The following NCKAP5 variants were observed in gnomAD, a reference collection of about 807,000 sequenced individuals.
The protein encoded by NCKAP5 is NCK associated protein 5.
Under a neutral mutation model 167.0 loss-of-function variants are expected in NCKAP5, and 92 were observed. The observed-to-expected ratio is 0.55, with a 90% CI of 0.47 to 0.66. The LOEUF (loss-of-function observed/expected upper bound fraction) is 0.66. Ranked by LOEUF, NCKAP5 falls within the 30% of genes least tolerant of loss-of-function variation. The probability of loss-of-function intolerance (pLI) is 0.00; values close to 1 mark genes in which losing one functional copy is unlikely to be tolerated. For synonymous variants in NCKAP5, 891 were observed against 877.4 expected (o/e 1.02, Z -0.27); for missense variants, 2,378 against 2,315.0 (o/e 1.03, Z -0.56).
the NCKAP5 span, among the ~76,000 whole-genome samples, chr2:133,633,851 C>T: frequency 6.6e-6 from 1 of 152,196 alleles, no homozygotes; most frequent in Non-Finnish European, 1.5e-5. Flanking sequence ...TGATGGGGCT[C>T]ATGGATAGAT....
intron 15 of NCKAP5, among the ~76,000 whole-genome samples, chr2:132,776,679 T>A (rs1436640113): frequency 6.6e-6 from 1 of 152,160 alleles, no homozygotes; most frequent in East Asian, 1.9e-4. Context: ...TAGATTTCAA[T>A]GCAAAGTGGT....
chr2:133,022,221 T>C (rs1463391088), intron 6 of NCKAP5, among the ~76,000 whole-genome samples: 3 of 152,208 alleles, frequency 2.0e-5, no homozygotes, highest in Admixed American at 2.0e-4. Flanking sequence ...TATTTTGAGC[T>C]GGTTATTCTG....
intron 3 of NCKAP5, among the ~76,000 whole-genome samples, chr2:133,472,816 TTCTC>T (rs1167624960): frequency 6.6e-6 from 1 of 152,132 alleles, no homozygotes; most frequent in Non-Finnish European, 1.5e-5. Context: ...TCTAGGAATC[TTCTC>T]TCTCTCTTCT....
chr2:133,546,820 A>G (rs1454274204), intron 2 of NCKAP5, among the ~76,000 whole-genome samples: 1 of 152,226 alleles, frequency 6.6e-6, no homozygotes, highest in Non-Finnish European at 1.5e-5. Context: ...GCTTGGGTCT[A>G]GGAAAAAGAG....
At chr2:133,293,015 T>C (rs1438221784) in intron 4 of NCKAP5, among the ~76,000 whole-genome samples, 1 of 152,176 alleles carries the variant, frequency 6.6e-6, no homozygotes, top group Non-Finnish European at 1.5e-5. Context: ...CCAATTCTGC[T>C]CCTAATCAAG....
At chr2:133,033,454 A>G (rs1267752968) in intron 6 of NCKAP5, among the ~76,000 whole-genome samples, 1 of 152,190 alleles carries the variant, frequency 6.6e-6, no homozygotes, top group Non-Finnish European at 1.5e-5. Context: ...CTCAGACATC[A>G]AAGAACACCT....
At chr2:133,438,167 A>T (rs1207062597) in intron 3 of NCKAP5, among the ~76,000 whole-genome samples, 4 of 152,102 alleles carry the variant, frequency 2.6e-5, no homozygotes, top group African/African-American at 9.7e-5. Flanking sequence ...GAAAATACCA[A>T]CCCAGGACTC....
intron 3 of NCKAP5, among the ~76,000 whole-genome samples, chr2:133,457,787 T>A (rs1315563354): frequency 6.6e-6 from 1 of 152,132 alleles, no homozygotes; most frequent in East Asian, 1.9e-4. Flanking sequence ...AGTGAGTAAA[T>A]CTCAATTCTT....
chr2:133,341,784 A>G (rs1194408428), intron 3 of NCKAP5, among the ~76,000 whole-genome samples: 2 of 152,154 alleles, frequency 1.3e-5, no homozygotes, highest in Non-Finnish European at 2.9e-5. Flanking sequence ...TTACATTTCC[A>G]GCACCTGGGA....
At chr2:133,410,425 G>C (rs1688703171) in intron 3 of NCKAP5, among the ~76,000 whole-genome samples, 1 of 152,184 alleles carries the variant, frequency 6.6e-6, no homozygotes, top group African/African-American at 2.4e-5. Context: ...CTTCTCTGAG[G>C]TTTAGTTTCC....
intron 11 of NCKAP5, among the ~76,000 whole-genome samples, chr2:132,840,881 A>C (rs1688250151): frequency 6.6e-6 from 1 of 152,140 alleles, no homozygotes; most frequent in Non-Finnish European, 1.5e-5. Context: ...AAATCTCCAA[A>C]AAATTTCACT....
At chr2:132,901,586 A>C (rs1693634096) in intron 8 of NCKAP5, among the ~76,000 whole-genome samples, 2 of 152,214 alleles carry the variant, frequency 1.3e-5, no homozygotes, top group Non-Finnish European at 2.9e-5. Context: ...GCATTAAGTA[A>C]ACAATGCTGT....
At chr2:133,088,325 G>A (rs774058050) in intron 6 of NCKAP5, among the ~76,000 whole-genome samples, 1 of 152,010 alleles carries the variant, frequency 6.6e-6, no homozygotes, top group Non-Finnish European at 1.5e-5. Flanking sequence ...CCAGTAGTTG[G>A]TCCTCATTCT....
At chr2:133,248,905 T>G (rs923107138) in intron 4 of NCKAP5, among the ~76,000 whole-genome samples, 2 of 152,236 alleles carry the variant, frequency 1.3e-5, no homozygotes, top group Non-Finnish European at 2.9e-5. Flanking sequence ...AAAAATCATC[T>G]GCTCCTCACT....
chr2:133,584,304 C>T, the NCKAP5 span, among the ~76,000 whole-genome samples: 2 of 152,166 alleles, frequency 1.3e-5, no homozygotes, highest in Non-Finnish European at 2.9e-5. Flanking sequence ...AAGGTTTGGA[C>T]TCCCTCCTTG....
chr2:132,726,510 T>C (rs779220371), intron 18 of NCKAP5, among the ~76,000 whole-genome samples: 56 of 152,200 alleles, frequency 3.7e-4, no homozygotes, highest in Admixed American at 1.4e-3. Flanking sequence ...GCAACTCCTA[T>C]GTGTTGAATC....
intron 5 of NCKAP5, among the ~76,000 whole-genome samples, chr2:133,142,859 A>G (rs2083050989): frequency 6.6e-6 from 1 of 152,150 alleles, no homozygotes; most frequent in Admixed American, 6.6e-5. Context: ...AATTTTCAAG[A>G]CTTTGGCAGA....
intron 5 of NCKAP5, among the ~76,000 whole-genome samples, chr2:133,144,006 C>G (rs2083096085): frequency 2.0e-5 from 3 of 152,096 alleles, no homozygotes; most frequent in African/African-American, 4.8e-5. Context: ...AAGCCTCTCC[C>G]TTTCCAGGAC....
the NCKAP5 span, among the ~76,000 whole-genome samples, chr2:133,580,514 G>A: frequency 1.3e-5 from 2 of 152,138 alleles, no homozygotes; most frequent in Non-Finnish European, 2.9e-5. Context: ...AATAATTTGG[G>A]GGGATGTCTG....
Sources: allele counts gnomAD v4.1 joint callset (sites outside exome capture counted in the v4.1 genomes callset), GRCh38; gene constraint gnomAD v4.1.1; transcripts MANE v1.5; gene names NCBI Gene and HGNC (gene_info 2026-07-23, HGNC 2026-07-21).